The following PTPRD variants were observed in gnomAD, a reference collection of about 807,000 sequenced individuals.
PTPRD encodes the protein receptor-type tyrosine-protein phosphatase delta.
A neutral mutation model predicts 214.5 loss-of-function variants in PTPRD; 34 were observed. That is an observed-to-expected ratio of 0.16 (90% confidence interval 0.12 to 0.21). PTPRD has a LOEUF of 0.21. Ranked by LOEUF, PTPRD falls within the 10% of genes least tolerant of loss-of-function variation. The pLI, the probability that PTPRD is intolerant of heterozygous loss-of-function variation, is 1.00. For synonymous variants in PTPRD, 1,128 were observed against 845.7 expected (o/e 1.33, Z -5.79); for missense variants, 2,545 against 2,398.7 (o/e 1.06, Z -1.27).
At chr9:8,492,614 C>CAA (rs34457270) in intron 27 of PTPRD, among the ~76,000 whole-genome samples, 1 of 104,592 alleles carries the variant, frequency 9.6e-6, no homozygotes, top group Non-Finnish European at 2.1e-5. Flanking sequence ...AGAAGGTGCT[C>CAA]AAAAAAAAAA....
intron 2 of PTPRD, among the ~76,000 whole-genome samples, chr9:10,493,021 C>T (rs1408949413): frequency 6.6e-6 from 1 of 152,050 alleles, no homozygotes; most frequent in East Asian, 1.9e-4. Context: ...GAATACAATA[C>T]CTAGGAATAC....
At chr9:9,245,149 G>A (rs2099972420) in intron 9 of PTPRD, among the ~76,000 whole-genome samples, 1 of 152,170 alleles carries the variant, frequency 6.6e-6, no homozygotes, top group South Asian at 2.1e-4. Context: ...AGGTGCTGGA[G>A]AGGATGTGGA....
chr9:10,149,988 C>A (rs1220615541), intron 3 of PTPRD, among the ~76,000 whole-genome samples: 1 of 152,082 alleles, frequency 6.6e-6, no homozygotes, highest in Non-Finnish European at 1.5e-5. Context: ...CTCGGCCTCC[C>A]AAAGTGCTGG....
intron 9 of PTPRD, among the ~76,000 whole-genome samples, chr9:9,391,859 C>T (rs1471707904): frequency 6.6e-6 from 1 of 152,102 alleles, no homozygotes; most frequent in East Asian, 1.9e-4. Context: ...TCCTTTCTGC[C>T]TTCTTATTTG....
intron 11 of PTPRD, among the ~76,000 whole-genome samples, chr9:8,849,663 T>C (rs140445664): frequency 2.0e-5 from 3 of 152,248 alleles, no homozygotes; most frequent in African/African-American, 7.2e-5. Flanking sequence ...AGGAACAGTA[T>C]TGGTAGAACT....
intron 14 of PTPRD, among the ~76,000 whole-genome samples, chr9:8,532,589 A>G (rs565020622): frequency 9.4e-4 from 143 of 152,198 alleles, no homozygotes; most frequent in African/African-American, 3.1e-3. Flanking sequence ...ATTTTGTCCT[A>G]TTCATTAATG....
intron 7 of PTPRD, among the ~76,000 whole-genome samples, chr9:9,720,820 G>A (rs1261383329): frequency 1.4e-5 from 2 of 147,824 alleles, no homozygotes; most frequent in Non-Finnish European, 3.0e-5. Flanking sequence ...CCAAAAAAAA[G>A]AATGATATCA....
chr9:9,671,386 T>C lies in PTPRD; in HGVS notation c.-287+63147A>G, dbSNP rs565793870. Among the ~76,000 whole-genome samples, 382 of 152,226 alleles carry C rather than the reference T, an allele frequency of 2.5e-3. 2 individuals are homozygous for C. Among genetic ancestry groups the C allele is most frequent in the African/African-American group, 8.6e-3 (358 of 41,536 alleles). On this transcript the variant is annotated intron_variant, in intron 7 of 45. Coordinates refer to ENST00000381196, the MANE Select transcript of PTPRD (RefSeq NM_002839.4). ...TTTACAGGCTCATAGGCAGAAGGGA[T>C]TTGTCTTGTCTCAAATGAGACTACG... is the stretch of plus-strand genomic sequence containing the variant.
At chr9:8,945,000 AAT>A (rs1295793329) in intron 11 of PTPRD, among the ~76,000 whole-genome samples, 1 of 152,086 alleles carries the variant, frequency 6.6e-6, no homozygotes, top group Non-Finnish European at 1.5e-5. Flanking sequence ...TACCTCTCAA[AAT>A]ATCTTATGTC....
intron 11 of PTPRD, among the ~76,000 whole-genome samples, chr9:8,932,670 G>T (rs775073058): frequency 6.6e-6 from 1 of 152,166 alleles, no homozygotes; most frequent in African/African-American, 2.4e-5. Context: ...TGTTTACACT[G>T]TGAGGGGAAA....
intron 4 of PTPRD, among the ~76,000 whole-genome samples, chr9:10,010,507 C>G (rs1005375430): frequency 2.0e-5 from 3 of 151,530 alleles, no homozygotes; most frequent in African/African-American, 4.8e-5. Flanking sequence ...AGGACTTATT[C>G]AGGTATTGAT....
chr9:9,749,092 C>T (rs887154851), intron 6 of PTPRD, among the ~76,000 whole-genome samples: 2 of 152,140 alleles, frequency 1.3e-5, no homozygotes, highest in African/African-American at 4.8e-5. Flanking sequence ...ACCTGATCTT[C>T]TCTTTACTCC....
intron 2 of PTPRD, among the ~76,000 whole-genome samples, chr9:10,581,560 TAGA>T (rs1313107017): frequency 6.6e-6 from 1 of 152,210 alleles, no homozygotes; most frequent in African/African-American, 2.4e-5. Context: ...TCTGCTAATT[TAGA>T]ACTTTGATGC....
At chr9:9,488,231 C>A (rs923417850) in intron 8 of PTPRD, among the ~76,000 whole-genome samples, 21 of 152,186 alleles carry the variant, frequency 1.4e-4, no homozygotes, top group Admixed American at 2.0e-4. Context: ...TACTATGAGA[C>A]AATGTTCATC....
At chr9:10,006,884 T>G (rs764810259) in intron 4 of PTPRD, among the ~76,000 whole-genome samples, 1 of 151,972 alleles carries the variant, frequency 6.6e-6, no homozygotes, top group Non-Finnish European at 1.5e-5. Flanking sequence ...TATTCTGACA[T>G]TTTACATTTT....
chr9:9,396,073 G>C (rs1352809683), intron 9 of PTPRD, among the ~76,000 whole-genome samples: 5 of 151,946 alleles, frequency 3.3e-5, no homozygotes, highest in Admixed American at 6.6e-5. Context: ...GGTAATAAGA[G>C]GGAAAACAGA....
intron 11 of PTPRD, among the ~76,000 whole-genome samples, chr9:8,893,835 A>G (rs950376604): frequency 5.9e-5 from 9 of 152,184 alleles, no homozygotes; most frequent in African/African-American, 1.9e-4. Context: ...TTGAGGGAAG[A>G]AAAGCTCGCT....
At chr9:9,045,779 G>A (rs1022997719) in intron 10 of PTPRD, among the ~76,000 whole-genome samples, 1 of 152,068 alleles carries the variant, frequency 6.6e-6, no homozygotes, top group Admixed American at 6.6e-5. Flanking sequence ...AACATTTTAT[G>A]TTAAGGAGGA....
rs186323152 is a variant in PTPRD, at chr9:10,127,271, C to T, written c.-544-93481G>A. Among the ~76,000 whole-genome samples, 1,222 of 152,250 alleles carry T rather than the reference C, an allele frequency of 8.0e-3. 27 individuals carry two copies. The highest frequency in any genetic ancestry group is 0.028 in the African/African-American group (1,159 of 41,552). The stretch of plus-strand genomic sequence containing the variant: ...CAAGACCAATGTCCTGAGTATGATT[C>T]CTCTGTCTGTAATGGCCCACAAGAC... On this transcript the variant is annotated intron_variant, in intron 3 of 45. Transcript: ENST00000381196.
Sources: gnomAD v4.1 joint callset for allele counts (sites outside exome capture counted in the v4.1 genomes callset) on GRCh38, gnomAD v4.1.1 for gene constraint, MANE v1.5 for transcripts, NCBI Gene and HGNC (gene_info 2026-07-23, HGNC 2026-07-21) for gene names.